Variants in SIPA1L3 observed in about 807,000 individuals in gnomAD.
SIPA1L3 encodes the protein signal induced proliferation associated 1 like 3.
In SIPA1L3, 59 loss-of-function variants were observed where a neutral mutation model predicts 150.1. The observed-to-expected ratio is 0.39, with a 90% CI of 0.32 to 0.49. SIPA1L3 has a LOEUF of 0.49. Ranked by LOEUF, SIPA1L3 falls within the 20% of genes least tolerant of loss-of-function variation. SIPA1L3 has a pLI of 0.86. For synonymous variants in SIPA1L3, 1,070 were observed against 1,077.6 expected (o/e 0.99, Z 0.14); for missense variants, 2,211 against 2,489.5 (o/e 0.89, Z 2.38).
chr19:38,036,532 G>A (rs1968794246), intron 2 of SIPA1L3, among the ~76,000 whole-genome samples: 1 of 152,208 alleles, frequency 6.6e-6, no homozygotes, highest in Non-Finnish European at 1.5e-5. Flanking sequence ...GGAGTGCTTG[G>A]CCCATTCCCC....
Position 38,164,940 on chromosome 19 carries a change from C to A in SIPA1L3, c.4208+34C>A. ...TTGCACCTAGTCTGGGTTCTAACCACCTTCCACTTCGCCAGTTCTACTTTT... is the reference window on the plus strand; with the variant it reads ...TTGCACCTAGTCTGGGTTCTAACCAACTTCCACTTCGCCAGTTCTACTTTT... On this transcript the variant is annotated intron_variant, in intron 15 of 21. Coordinates refer to ENST00000222345, the MANE Select transcript of SIPA1L3 (RefSeq NM_015073.3). The surrounding 1 kb of genome is among the most constrained non-coding windows in gnomAD (Gnocchi z 4.1). The A allele has an allele frequency of 6.7e-7, 1 of 1,493,756 alleles. No individual in the cohort carries two copies. The highest frequency in any genetic ancestry group is 8.9e-7 in the Non-Finnish European group (1 of 1,123,972). The allele number at this position is 1,493,756 out of a possible 1,614,324, so 92.5% of individuals were successfully genotyped here.
At chr19:37,985,138 A>G (rs1416037000) in intron 1 of SIPA1L3, among the ~76,000 whole-genome samples, 1 of 152,064 alleles carries the variant, frequency 6.6e-6, no homozygotes, top group African/African-American at 2.4e-5. Context: ...AGTTGAGGCC[A>G]GTTTGAGACC....
At chr19:37,981,786 A>G (rs1000026355) in intron 1 of SIPA1L3, among the ~76,000 whole-genome samples, 8 of 152,090 alleles carry the variant, frequency 5.3e-5, no homozygotes, top group African/African-American at 1.9e-4. Context: ...GTGAGTATTT[A>G]GGAAAGGAGG....
intron 9 of SIPA1L3, among the ~76,000 whole-genome samples, chr19:38,120,581 A>G (rs1237488552): frequency 6.6e-6 from 1 of 152,256 alleles, no homozygotes. Flanking sequence ...GGAGGAAAAA[A>G]TACAAGAAAG....
intron 10 of SIPA1L3, among the ~76,000 whole-genome samples, chr19:38,134,964 A>G (rs1045393521): frequency 6.6e-6 from 1 of 152,176 alleles, no homozygotes; most frequent in East Asian, 1.9e-4. Context: ...GATGAGTGCC[A>G]TATTCACATA....
intron 16 of SIPA1L3, among the ~76,000 whole-genome samples, chr19:38,189,531 C>G (rs1189872809): frequency 6.6e-6 from 1 of 152,010 alleles, no homozygotes; most frequent in Admixed American, 6.6e-5. Context: ...TTTGGGAGGC[C>G]GAGATGGGCG....
intron 15 of SIPA1L3, among the ~76,000 whole-genome samples, chr19:38,177,061 A>T (rs2146011855): frequency 6.6e-6 from 1 of 152,250 alleles, no homozygotes. Context: ...GTGACTTTTT[A>T]AAAATTCTAG....
At chr19:37,921,437 G>A (rs2046456646) in intron 1 of SIPA1L3, among the ~76,000 whole-genome samples, 1 of 152,112 alleles carries the variant, frequency 6.6e-6, no homozygotes, top group Non-Finnish European at 1.5e-5. Context: ...GCCAGTGCTG[G>A]CGCCGTTTGT....
rs771373898 is a variant in SIPA1L3, at chr19:38,081,999, G to A, written c.434G>A (p.Arg145Lys). ...SKAFHRLSRR[R>K]SKDVEFQDGW... ...GCCTTCCACCGACTCTCCAGGAGAA[G>A]GTCCAAAGACGTGGAGTTCCAGGAC... is the stretch of plus-strand genomic sequence containing the variant. The change falls in exon 3 of 22, where the codon AGG (arginine) becomes AAG (lysine). Residue 145 changes from arginine to lysine, a missense_variant. Transcript: ENST00000222345. The A allele has an allele frequency of 1.2e-6, 2 of 1,614,178 alleles. No individual in the cohort carries two copies. Among genetic ancestry groups the A allele is most frequent in the South Asian group, 1.1e-5 (1 of 91,090 alleles).
intron 10 of SIPA1L3, among the ~76,000 whole-genome samples, chr19:38,133,168 C>G (rs780567882): frequency 6.6e-6 from 1 of 152,246 alleles, no homozygotes; most frequent in Middle Eastern, 3.4e-3. Flanking sequence ...GAAGGCACTG[C>G]GTGCCTGGTC....
chr19:38,071,098 A>G (rs1412652965), intron 2 of SIPA1L3, among the ~76,000 whole-genome samples: 1 of 152,152 alleles, frequency 6.6e-6, no homozygotes, highest in Non-Finnish European at 1.5e-5. Flanking sequence ...CTCGGGCACC[A>G]AGCAGGCCCT....
At chr19:38,117,912 A>G (rs1970924773) in intron 8 of SIPA1L3, among the ~76,000 whole-genome samples, 1 of 151,906 alleles carries the variant, frequency 6.6e-6, no homozygotes, top group East Asian at 1.9e-4. Flanking sequence ...CAGCCTCCCG[A>G]GTAGCTGGGA....
intron 13 of SIPA1L3, among the ~76,000 whole-genome samples, chr19:38,155,730 C>T (rs1387205282): frequency 2.6e-5 from 4 of 152,078 alleles, no homozygotes; most frequent in South Asian, 4.1e-4. Context: ...CTGTGGGGTA[C>T]GGAAGAGGCT....
chr19:37,940,919 C>T (rs900145122), intron 1 of SIPA1L3, among the ~76,000 whole-genome samples: 2 of 152,078 alleles, frequency 1.3e-5, no homozygotes, highest in Non-Finnish European at 2.9e-5. Flanking sequence ...TTTATATGTT[C>T]AGAAAGGCCA....
Position 38,110,179 on chromosome 19 carries a change from A to C in SIPA1L3, c.2134-48A>C, listed in dbSNP as rs377112393. ...GGCAGTGGTCCAGGCAGGACCCGTC[A>C]GGCCGACCTGTGACAGGTTCCTGTC... On this transcript the variant is annotated intron_variant, in intron 7 of 21. Transcript: ENST00000222345. The C allele has an allele frequency of 3.6e-5, 57 of 1,594,988 alleles. 1 individual carries two copies. The highest frequency in any genetic ancestry group is 2.0e-4 in the Admixed American group (12 of 59,516).
chr19:38,012,483 GC>G (rs1968127356), intron 1 of SIPA1L3, among the ~76,000 whole-genome samples: 1 of 152,138 alleles, frequency 6.6e-6, no homozygotes, highest in African/African-American at 2.4e-5. Context: ...CCTGCTCCCA[GC>G]CCAGCTCAGG....
chr19:38,027,878 A>G (rs1968549680), intron 1 of SIPA1L3, among the ~76,000 whole-genome samples: 1 of 152,020 alleles, frequency 6.6e-6, no homozygotes, highest in Non-Finnish European at 1.5e-5. Flanking sequence ...TCCCTTATGA[A>G]TTCTGTGCCT....
chr19:38,161,801 A>G (rs1600153482), intron 13 of SIPA1L3, among the ~76,000 whole-genome samples: 1 of 151,666 alleles, frequency 6.6e-6, no homozygotes, highest in African/African-American at 2.4e-5. Flanking sequence ...TCATCCCAGC[A>G]CTTTGGGAAG....
chr19:38,202,409 G>A (rs942701663), intron 20 of SIPA1L3, among the ~76,000 whole-genome samples: 3 of 151,818 alleles, frequency 2.0e-5, no homozygotes, highest in Middle Eastern at 3.4e-3. Flanking sequence ...CCAACATGGT[G>A]AAACCCCATC....
Sources: gnomAD v4.1 joint callset for allele counts (sites outside exome capture counted in the v4.1 genomes callset) on GRCh38, gnomAD v4.1.1 for gene constraint, Gnocchi (gnomAD v3.1) non-coding constraint, MANE v1.5 for transcripts, NCBI Gene and HGNC (gene_info 2026-07-23, HGNC 2026-07-21) for gene names.